EDIL3: variants seen among roughly 807,000 people sequenced by gnomAD.
EDIL3 encodes the protein EGF-like repeat and discoidin I-like domain-containing protein 3.
Under a neutral mutation model 67.4 loss-of-function variants are expected in EDIL3, and 37 were observed. The observed-to-expected ratio is 0.55, with a 90% CI of 0.42 to 0.72. EDIL3 has a LOEUF of 0.72. EDIL3 is among the 30% of genes least tolerant of loss of function. The pLI is 0.00. For synonymous variants in EDIL3, 195 were observed against 196.3 expected (o/e 0.99, Z 0.05); for missense variants, 527 against 586.3 (o/e 0.90, Z 1.04).
intron 1 of EDIL3, among the ~76,000 whole-genome samples, chr5:84,321,275 T>C (rs192407317): frequency 2.0e-5 from 3 of 152,252 alleles, no homozygotes; most frequent in African/African-American, 7.2e-5. Context: ...TTTGTCTTTA[T>C]TTGTGAGGGG....
intron 5 of EDIL3, among the ~76,000 whole-genome samples, chr5:84,128,078 A>C (rs1747897582): frequency 6.6e-6 from 1 of 152,090 alleles, no homozygotes; most frequent in Admixed American, 6.6e-5. Context: ...TATGACTTAC[A>C]TGCTGCTGGA....
intron 1 of EDIL3, among the ~76,000 whole-genome samples, chr5:84,370,046 A>G (rs1161034778): frequency 2.0e-5 from 3 of 152,190 alleles, no homozygotes; most frequent in Non-Finnish European, 4.4e-5. Flanking sequence ...ACAGGAGCAA[A>G]GTATTAGATT....
chr5:84,003,015 ACAGCCCCTCTGC>A (rs111940356), intron 9 of EDIL3, among the ~76,000 whole-genome samples: 8,268 of 152,174 alleles, frequency 0.054, 462 homozygotes, highest in South Asian at 0.14. Context: ...GAGGCAACTG[ACAGCCCCTCTGC>A]CACTGCTGTT....
At chr5:84,066,120 A>T (rs1746635283) in intron 7 of EDIL3, among the ~76,000 whole-genome samples, 1 of 151,818 alleles carries the variant, frequency 6.6e-6, no homozygotes, top group South Asian at 2.1e-4. Flanking sequence ...GTCTCAAAAA[A>T]AAAAAAAAAA....
chr5:84,102,661 C>A (rs1256625302), intron 6 of EDIL3, among the ~76,000 whole-genome samples: 1 of 151,482 alleles, frequency 6.6e-6, no homozygotes, highest in Non-Finnish European at 1.5e-5. Context: ...AGGAATACAG[C>A]TTATCAGGGA....
intron 4 of EDIL3, among the ~76,000 whole-genome samples, chr5:84,151,745 T>A (rs1748398255): frequency 6.6e-6 from 1 of 152,186 alleles, no homozygotes. Flanking sequence ...GGGGGTTAGC[T>A]ATACCTTCCC....
chr5:84,150,323 C>T (rs1748367189), intron 4 of EDIL3, among the ~76,000 whole-genome samples: 1 of 152,062 alleles, frequency 6.6e-6, no homozygotes, highest in South Asian at 2.1e-4. Flanking sequence ...TCCTGCTCCC[C>T]AATGTCAATT....
chr5:83,953,873 T>A (rs3888362), intron 10 of EDIL3, among the ~76,000 whole-genome samples: 87,824 of 151,604 alleles, frequency 0.58, 25,683 homozygotes, highest in African/African-American at 0.66. Context: ...AGTGCTCTAT[T>A]CATATTAACA....
intron 9 of EDIL3, among the ~76,000 whole-genome samples, chr5:84,037,891 G>C (rs543107427): frequency 2.0e-5 from 3 of 151,678 alleles, no homozygotes; most frequent in Non-Finnish European, 4.4e-5. Context: ...TGATTTGTAT[G>C]ATCTGACAGA....
At chr5:84,378,421 C>A (rs2112221242) in intron 1 of EDIL3, among the ~76,000 whole-genome samples, 1 of 152,258 alleles carries the variant, frequency 6.6e-6, no homozygotes, top group East Asian at 1.9e-4. Context: ...TTTTGTACTG[C>A]AAAGTATCAC....
rs554775929 is a variant in EDIL3 at position 84,215,399 on chromosome 5, G to A, written c.226+14456C>T. On this transcript the variant is annotated intron_variant, in intron 3 of 10. Coordinates refer to ENST00000296591, the MANE Select transcript of EDIL3 (RefSeq NM_005711.5). ...CTCCCGAGTAGCTGGGACTACAGGC[G>A]CCCGCCACCACACCTGGCTAATTTT... 1.3e-4 allele frequency among the ~76,000 whole-genome samples: 19 copies of A among 151,970 alleles called. No individual in the cohort carries two copies. In the South Asian group the frequency reaches 1.5e-3, roughly 12 times the overall value.
chr5:84,374,999 GTCTC>G (rs924455984), intron 1 of EDIL3, among the ~76,000 whole-genome samples: 30 of 148,194 alleles, frequency 2.0e-4, no homozygotes, highest in African/African-American at 6.5e-4. Context: ...TTCAGACGGA[GTCTC>G]TCTCTGTCAC....
chr5:84,117,266 G>T (rs1747688091), intron 5 of EDIL3, among the ~76,000 whole-genome samples: 1 of 151,738 alleles, frequency 6.6e-6, no homozygotes, highest in Admixed American at 6.6e-5. Context: ...TCCTGACCTC[G>T]TGATCCACCC....
chr5:84,287,657 T>C (rs1045473881), intron 1 of EDIL3, among the ~76,000 whole-genome samples: 1 of 152,046 alleles, frequency 6.6e-6, no homozygotes, highest in African/African-American at 2.4e-5. Context: ...ATGAAGGGAA[T>C]TCTTGAAATC....
intron 4 of EDIL3, among the ~76,000 whole-genome samples, chr5:84,141,370 G>A (rs1045782934): frequency 6.7e-6 from 1 of 150,044 alleles, no homozygotes; most frequent in Non-Finnish European, 1.5e-5. Context: ...CTGAGGCACA[G>A]TGATGAGAGC....
At chr5:84,144,292 T>C (rs112408852) in intron 4 of EDIL3, among the ~76,000 whole-genome samples, 31 of 147,234 alleles carry the variant, frequency 2.1e-4, no homozygotes, top group African/African-American at 7.6e-4. Context: ...CTTCCTTCCT[T>C]CCTCCCTTCC....
intron 1 of EDIL3, among the ~76,000 whole-genome samples, chr5:84,381,114 A>C (rs1007049601): frequency 1.1e-4 from 16 of 152,214 alleles, no homozygotes; most frequent in African/African-American, 3.6e-4. Flanking sequence ...AGACCATCTC[A>C]ATTTTTTCCT....
intron 5 of EDIL3, among the ~76,000 whole-genome samples, chr5:84,129,588 G>C (rs1747924635): frequency 6.6e-6 from 1 of 151,984 alleles, no homozygotes; most frequent in Non-Finnish European, 1.5e-5. Flanking sequence ...ACAATCTTAA[G>C]TTAAATTAGC....
intron 1 of EDIL3, among the ~76,000 whole-genome samples, chr5:84,359,791 T>C (rs959971906): frequency 2.0e-5 from 3 of 152,116 alleles, no homozygotes; most frequent in East Asian, 1.9e-4. Context: ...TCTGAGAGAA[T>C]AGGAACTGCA....
Sources: allele counts gnomAD v4.1 joint callset (sites outside exome capture counted in the v4.1 genomes callset), GRCh38; gene constraint gnomAD v4.1.1; transcripts MANE v1.5; gene names NCBI Gene and HGNC (gene_info 2026-07-23, HGNC 2026-07-21).